Variants in CFAP99 observed in about 807,000 individuals in gnomAD.
The protein encoded by CFAP99 is cilia- and flagella-associated protein 99.
A neutral mutation model predicts 82.7 loss-of-function variants in CFAP99; 84 were observed. The observed-to-expected ratio is 1.02, with a 90% CI of 0.85 to 1.22. The LOEUF is 1.22. Ranked by LOEUF, CFAP99 falls within the 50% of genes most tolerant of loss-of-function variation. CFAP99 has a pLI of 0.00. For synonymous variants in CFAP99, 456 were observed against 429.5 expected (o/e 1.06, Z -0.76); for missense variants, 1,059 against 983.5 (o/e 1.08, Z -1.03).
chr4:2,436,575 G>A (rs142713774), intron 2 of CFAP99, among the ~76,000 whole-genome samples: 21 of 152,274 alleles, frequency 1.4e-4, no homozygotes, highest in Non-Finnish European at 2.6e-4. Context: ...GCCTGGATGC[G>A]GCAGCCTGTT....
chr4:2,420,584 T>C (rs1400893724), intron 1 of CFAP99, among the ~76,000 whole-genome samples: 1 of 152,190 alleles, frequency 6.6e-6, no homozygotes, highest in Admixed American at 6.5e-5. Flanking sequence ...CTGTGTTTTA[T>C]AGTTTGAAAT....
chr4:2,440,476 G>A (rs1390300927), intron 4 of CFAP99, among the ~76,000 whole-genome samples: 1 of 147,024 alleles, frequency 6.8e-6, no homozygotes, highest in Non-Finnish European at 1.5e-5. Flanking sequence ...AACAGGCGGG[G>A]CATGGTGCCT....
chr4:2,453,464 G>A (rs1159016907), intron 11 of CFAP99, among the ~76,000 whole-genome samples: 1 of 152,142 alleles, frequency 6.6e-6, no homozygotes, highest in African/African-American at 2.4e-5. Context: ...TCGTCTCCCT[G>A]GTACTTTTAC....
chr4:2,460,907 T>G (rs964784883), intron 14 of CFAP99, among the ~76,000 whole-genome samples: 1 of 152,142 alleles, frequency 6.6e-6, no homozygotes, highest in Non-Finnish European at 1.5e-5. Flanking sequence ...CCCGGCTAAC[T>G]TTTTGTATTT....
At chr4:2,459,392 C>G in intron 13 of CFAP99, 134 bp downstream of exon 13, 1 of 1,103,760 alleles carries the variant, frequency 9.1e-7, no homozygotes, top group Non-Finnish European at 1.2e-6. Context: ...CCGCCACCCT[C>G]CGTGACTCAA....
chr4:2,450,877 C>G, intron 8 of CFAP99, 70 bp from the exon 9 acceptor site: 1 of 1,339,074 alleles, frequency 7.5e-7, no homozygotes, highest in South Asian at 1.3e-5. Context: ...CCAGCATCCA[C>G]CTGGTATGTG....
Position 2,462,900 on chromosome 4 carries a change from C to A in CFAP99, c.2119C>A (p.Pro707Thr). 3 of 1,322,020 alleles carry A rather than the reference C, an allele frequency of 2.3e-6. No individual in the cohort carries two copies. Among genetic ancestry groups the A allele is most frequent in the South Asian group, 2.1e-5 (1 of 48,008 alleles). 81.9% of individuals were successfully genotyped at this position (1,322,020 alleles called of 1,614,324 possible). ...GCAGCAGGGAGGCTCAGGACCCGGG[C>A]CCGCGCGCCGCCTGGAGGCCGCCTG... Residue 707 changes from proline to threonine, a missense_variant, in exon 15 of 15, where the codon CCC becomes ACC. Coordinates refer to ENST00000635017, the Ensembl canonical transcript of CFAP99. The surrounding 1 kb of genome is among the most constrained non-coding windows in gnomAD (Gnocchi z 4.1).
rs1734253212 is a variant in CFAP99, at chr4:2,449,659, C to T, written c.643-11C>T. The T allele has an allele frequency of 6.5e-7, 1 of 1,535,878 alleles. No homozygotes were observed. Among genetic ancestry groups the T allele is most frequent in the South Asian group, 1.2e-5 (1 of 84,058 alleles). On this transcript the variant is annotated splice_polypyrimidine_tract_variant and intron_variant, in intron 6 of 14. Coordinates refer to ENST00000635017, the Ensembl canonical transcript of CFAP99. ...GCTGACCATAGGCTCTTCCTCCCAC[C>T]ACTTCAGCAGGTCCCCCAGAGCACC... is the stretch of plus-strand genomic sequence containing the variant.
chr4:2,447,315 T>C (rs192166031), intron 6 of CFAP99, among the ~76,000 whole-genome samples: 32 of 151,006 alleles, frequency 2.1e-4, no homozygotes, highest in Admixed American at 1.5e-3. Flanking sequence ...AATGGATGGA[T>C]GGATACATGC....
Position 2,462,774 on chromosome 4 carries a change from G to C in CFAP99, c.1993G>C (p.Val665Leu), listed in dbSNP as rs1477219833. The change falls in exon 15 of 15, where the codon GTC becomes CTC. Residue 665 changes from valine (V) to leucine (L), a missense_variant. Transcript: ENST00000635017. This position sits in a 1 kb window ranked among gnomAD's most constrained non-coding sequence, Gnocchi z 4.1. Reference sequence around the variant, plus strand: ...GGCGGGCGCGGGAGGCGGTGGGGGCGTCCCTGCCCGCGCCGACGCGTTCCC... The same window carrying C: ...GGCGGGCGCGGGAGGCGGTGGGGGCCTCCCTGCCCGCGCCGACGCGTTCCC... 1.6e-6 allele frequency: 2 copies of C among 1,263,928 alleles called. No homozygotes were observed. Among genetic ancestry groups the C allele is most frequent in the Non-Finnish European group, 2.0e-6 (2 of 1,004,628 alleles). The allele number at this position is 1,263,928 out of a possible 1,614,324, so 78.3% of individuals were successfully genotyped here.
intron 6 of CFAP99, 120 bp downstream of exon 6, chr4:2,445,428 AC>A: frequency 1.1e-6 from 1 of 907,796 alleles, no homozygotes; most frequent in Non-Finnish European, 1.4e-6. Context: ...GGTGCACTGG[AC>A]CAGACCAGGA....
chr4:2,450,199 G>GTAGACGCT (rs1734271548), intron 8 of CFAP99, 194 bp downstream of exon 8: 1 of 619,042 alleles, frequency 1.6e-6, no homozygotes, highest in African/African-American at 1.8e-5. Context: ...GCAGGCGGGT[G>GTAGACGCT]TAGACGCGCA....
At chr4:2,450,966 G>A (rs1042949490) in exon 9 of CFAP99, 42 of 1,535,844 alleles carry the variant, frequency 2.7e-5, no homozygotes, top group African/African-American at 8.2e-5. Context: ...CAGCAGCTGC[G>A]GCTTCAGTTC....
At chr4:2,440,677 C>G (rs1486173686) in intron 4 of CFAP99, among the ~76,000 whole-genome samples, 1 of 151,928 alleles carries the variant, frequency 6.6e-6, no homozygotes, top group Non-Finnish European at 1.5e-5. Flanking sequence ...ACTGCAAGCT[C>G]TGCCTCCCAG....
intron 11 of CFAP99, among the ~76,000 whole-genome samples, chr4:2,457,813 C>T (rs1380995541): frequency 6.6e-6 from 1 of 152,204 alleles, no homozygotes; most frequent in African/African-American, 2.4e-5. Context: ...CTGATGGGGA[C>T]ACTCTTTCCT....
exon 12 of CFAP99, chr4:2,458,786 C>G: frequency 6.5e-7 from 1 of 1,535,930 alleles, no homozygotes; most frequent in Non-Finnish European, 8.7e-7. Context: ...CAGGAAGGAG[C>G]TGGTGGAGCA....
rs186309332 is a variant in CFAP99 at position 2,450,489 on chromosome 4, G to A, written c.796-458G>A. 1.7e-4 allele frequency: 47 copies of A among 272,724 alleles called. No homozygotes were observed. The East Asian group carries it at 3.5e-3, about 21-fold the overall frequency. 16.9% of individuals were successfully genotyped at this position (272,724 alleles called of 1,614,324 possible). On this transcript the variant is annotated intron_variant, in intron 8 of 14. Transcript: ENST00000635017. ...TGCATGCCGCGGGGCTGCAATGACC[G>A]AGTGCTCAGAGGGGTGGCCTTTGCA...
chr4:2,437,948 T>G, intron 3 of CFAP99, 122 bp from the exon 4 acceptor site: 1 of 602,308 alleles, frequency 1.7e-6, no homozygotes, highest in Admixed American at 2.7e-5. Flanking sequence ...TGGGCACCAA[T>G]AGGGTGGGGG....
rs1734357979 is a variant in CFAP99 at position 2,453,672 on chromosome 4, A to G, written c.1161+1326A>G. On this transcript the variant is annotated intron_variant, in intron 11 of 14. Transcript: ENST00000635017. ...ATACATATATAAATGATTTGTGTCTATTTCTGTGAACCGTCTGTCCATGTC... is the reference window on the plus strand; with the variant it reads ...ATACATATATAAATGATTTGTGTCTGTTTCTGTGAACCGTCTGTCCATGTC... Among the ~76,000 whole-genome samples, 7 of 145,666 alleles carry G rather than the reference A, an allele frequency of 4.8e-5. No homozygotes were observed. In the South Asian group the frequency reaches 1.5e-3, roughly 31 times the overall value.
Sources: gnomAD v4.1 joint callset for allele counts (sites outside exome capture counted in the v4.1 genomes callset) on GRCh38, gnomAD v4.1.1 for gene constraint, Gnocchi (gnomAD v3.1) non-coding constraint, MANE v1.5 for transcripts, NCBI Gene and HGNC (gene_info 2026-07-23, HGNC 2026-07-21) for gene names.